The following ZFP2 variants were observed in gnomAD, a reference collection of about 807,000 sequenced individuals.
ZFP2 encodes zinc finger protein ZFP2.
ZFP2 carries 33 observed loss-of-function variants against 36.1 expected under a neutral mutation model. The observed-to-expected ratio is 0.92, with a 90% confidence interval of 0.69 to 1.22. The LOEUF is 1.22. Among genes scored for constraint, ZFP2 ranks in the 50% most tolerant of loss-of-function variants. The probability of loss-of-function intolerance (pLI) is 0.00; values close to 1 mark genes in which losing one functional copy is unlikely to be tolerated. For synonymous variants in ZFP2, 170 were observed against 178.0 expected, an observed-to-expected ratio of 0.96 and a Z score of 0.36; for missense variants, 522 against 551.4, an observed-to-expected ratio of 0.95 and a Z score of 0.53.
chr5:178,931,882 A>T lies in ZFP2; in HGVS notation c.569A>T (p.Glu190Val). 6.2e-7 allele frequency: 1 copy of T among 1,612,862 alleles called. No homozygotes were observed. The highest frequency in any genetic ancestry group is 1.1e-5 in the South Asian group (1 of 91,026). ...GGAGAGAAACCCTATCAGTGTAAAGAGTGTGGCAAAGCCTTCCATAAGAAT... is the reference window on the plus strand; with the variant it reads ...GGAGAGAAACCCTATCAGTGTAAAGTGTGTGGCAAAGCCTTCCATAAGAAT... ...HTGEKPYQCK[E>V]CGKAFHKNSS... The change falls in exon 5 of 5, where the codon GAG (glutamate) becomes GTG (valine). Residue 190 changes from glutamate (E) to valine (V), a missense_variant. By Grantham distance (121) the Glu-to-Val change is moderately radical. Coordinates refer to ENST00000361362, the MANE Select transcript of ZFP2 (RefSeq NM_030613.4).
chr5:178,908,593 C>T lies in ZFP2; in HGVS notation c.-449-3991C>T, dbSNP rs76954167. On this transcript the variant is annotated intron_variant, in intron 1 of 4. Coordinates refer to ENST00000361362, the MANE Select transcript of ZFP2 (RefSeq NM_030613.4). ...AATTCACCCTAACCATCCCATCCCC[C>T]CCTCCCTGCTCTATGCCTTCCCCTA... Among the ~76,000 whole-genome samples, 1,047 of 150,210 alleles carry T rather than the reference C, an allele frequency of 7.0e-3. 5 individuals are homozygous for T. The highest frequency in any genetic ancestry group is 0.01 in the Admixed American group (155 of 15,056).
intron 1 of ZFP2, chr5:178,910,600 G>T (rs768917569): frequency 6.7e-6 from 3 of 450,368 alleles, no homozygotes; most frequent in Non-Finnish European, 1.3e-5. Flanking sequence ...TGACACACTG[G>T]CCCATGGTAC....
chr5:178,929,850 A>G (rs1758778365), intron 4 of ZFP2, among the ~76,000 whole-genome samples: 1 of 151,884 alleles, frequency 6.6e-6, no homozygotes, highest in African/African-American at 2.4e-5. Flanking sequence ...TGTTATGAAG[A>G]AATACCTCAG....
intron 1 of ZFP2, among the ~76,000 whole-genome samples, chr5:178,905,731 T>G (rs1758152931): frequency 6.6e-6 from 1 of 152,028 alleles, no homozygotes; most frequent in African/African-American, 2.4e-5. Context: ...CTAAGTTCCA[T>G]GTTCACTTTC....
intron 4 of ZFP2, among the ~76,000 whole-genome samples, chr5:178,924,354 CAGAG>C (rs1315003007): frequency 5.8e-5 from 7 of 120,234 alleles, no homozygotes; most frequent in East Asian, 4.5e-4. Context: ...GCCTGCATGA[CAGAG>C]AGAGACTCTG....
chr5:178,927,577 A>G (rs1024144702), intron 4 of ZFP2, among the ~76,000 whole-genome samples: 6 of 148,766 alleles, frequency 4.0e-5, no homozygotes, highest in East Asian at 4.0e-4. Flanking sequence ...GCTCACTGCA[A>G]CCTCCACCTC....
In ZFP2 at chr5:178,932,405, T is replaced by C. The variant is rs1758869261; in HGVS notation, c.1092T>C (p.Thr364=). ...GTATGGTGTGTGGAAAACATTTCAC[T>C]GGACGATCATCCCTTACCGTGCATC... ...YECMVCGKHF[T]GRSSLTVHQV... The change falls in exon 5 of 5, where the codon ACT becomes ACC. Residue 364 remains threonine (T), a synonymous_variant. Coordinates refer to ENST00000361362, the MANE Select transcript of ZFP2 (RefSeq NM_030613.4). 6.2e-7 allele frequency: 1 copy of C among 1,613,960 alleles called. No homozygotes were observed.
intron 1 of ZFP2, among the ~76,000 whole-genome samples, chr5:178,910,791 G>A (rs948318309): frequency 3.3e-5 from 5 of 152,010 alleles, no homozygotes; most frequent in African/African-American, 7.2e-5. Context: ...TACCATCCCC[G>A]CTGGGGTTTC....
rs888903227 is a variant in ZFP2 at position 178,923,210 on chromosome 5, T to A, written c.-78+6500T>A. 8.7e-5 allele frequency among the ~76,000 whole-genome samples: 13 copies of A among 149,624 alleles called. 1 individual carries two copies. Among genetic ancestry groups the A allele is most frequent in the Non-Finnish European group, 1.4e-4 (9 of 66,650 alleles). On this transcript the variant is annotated intron_variant, in intron 4 of 4. Coordinates refer to ENST00000361362, the MANE Select transcript of ZFP2 (RefSeq NM_030613.4). Reference sequence around the variant, plus strand: ...TGGAGGCATTTAAATACATTCACATTGTTGTGGAACCAGCACCGCCATCCG... The same window carrying A: ...TGGAGGCATTTAAATACATTCACATAGTTGTGGAACCAGCACCGCCATCCG...
At chr5:178,909,927 G>A in intron 1 of ZFP2, 1 of 1,470,518 alleles carries the variant, frequency 6.8e-7, no homozygotes, top group Non-Finnish European at 9.5e-7. Flanking sequence ...GATCCTCAAG[G>A]GGTTCTCTGT....
At chr5:178,906,398 G>A (rs987280096) in intron 1 of ZFP2, among the ~76,000 whole-genome samples, 7 of 152,050 alleles carry the variant, frequency 4.6e-5, no homozygotes, top group African/African-American at 1.2e-4. Flanking sequence ...ATCTGATAAC[G>A]TTATTCTCAC....
intron 1 of ZFP2, among the ~76,000 whole-genome samples, chr5:178,899,308 C>T (rs994467515): frequency 6.6e-6 from 1 of 152,158 alleles, no homozygotes; most frequent in Non-Finnish European, 1.5e-5. Context: ...CGTCACCTGG[C>T]TGATTTCATT....
At chr5:178,921,985 G>T (rs909874902) in intron 4 of ZFP2, 6 of 607,546 alleles carry the variant, frequency 9.9e-6, no homozygotes, top group Admixed American at 7.7e-5. Context: ...ACAGATTATG[G>T]GCCATTCTTA....
chr5:178,926,956 G>A (rs1211363609), intron 4 of ZFP2, among the ~76,000 whole-genome samples: 1 of 152,160 alleles, frequency 6.6e-6, no homozygotes, highest in African/African-American at 2.4e-5. Flanking sequence ...GGAAGAAAGA[G>A]GCCTGGTTAA....
At chr5:178,928,401 G>A (rs143987534) in intron 4 of ZFP2, among the ~76,000 whole-genome samples, 9 of 152,248 alleles carry the variant, frequency 5.9e-5, no homozygotes, top group Admixed American at 2.0e-4. Flanking sequence ...AGACAAGTTA[G>A]TTACCTCCAA....
chr5:178,907,038 G>C (rs772439623), intron 1 of ZFP2, among the ~76,000 whole-genome samples: 3 of 152,098 alleles, frequency 2.0e-5, no homozygotes, highest in Non-Finnish European at 2.9e-5. Context: ...CTGAAACCAG[G>C]TAGGACCAGA....
chr5:178,931,565 A>C lies in ZFP2; in HGVS notation c.252A>C (p.Thr84=). The C allele has an allele frequency of 1.2e-6, 2 of 1,614,198 alleles. No individual in the cohort carries two copies. Among genetic ancestry groups the C allele is most frequent in the Non-Finnish European group, 1.7e-6 (2 of 1,180,028 alleles). Residue 84 remains threonine, a synonymous_variant, in exon 5 of 5, where the codon ACA becomes ACC. Transcript: ENST00000361362. ...GTAATTCACATGGAGAAGATGCCAC[A>C]CAAAATTCTGAGTTAATTAAAACTC... is the stretch of plus-strand genomic sequence containing the variant. ...HNCNSHGEDA[T]QNSELIKTQR...
At chr5:178,912,916 ACT>A in intron 2 of ZFP2, 64 bp from the exon 3 acceptor site, 2 of 940,982 alleles carry the variant, frequency 2.1e-6, no homozygotes, top group Non-Finnish European at 2.5e-6. Context: ...AATGATCAGA[ACT>A]CTGCTAGGAT....
At chr5:178,896,195 G>C (rs1313957756) in intron 1 of ZFP2, among the ~76,000 whole-genome samples, 2 of 152,224 alleles carry the variant, frequency 1.3e-5, no homozygotes, top group Non-Finnish European at 2.9e-5. Context: ...GCGGGAGCAC[G>C]CTGGCAGCTG....
Sources: gnomAD v4.1 joint callset for allele counts (sites outside exome capture counted in the v4.1 genomes callset) on GRCh38, gnomAD v4.1.1 for gene constraint, MANE v1.5 for transcripts, NCBI Gene and HGNC (gene_info 2026-07-23, HGNC 2026-07-21) for gene names.